The following RTRAF variants were observed in gnomAD, a reference collection of about 807,000 sequenced individuals.
The protein encoded by RTRAF is tRNA-splicing ligase complex subunit RTRAF.
RTRAF carries 14 observed loss-of-function variants against 34.4 expected under a neutral mutation model. The ratio of observed to expected loss-of-function variants is 0.41; its 90% CI spans 0.27 to 0.64. RTRAF has a LOEUF of 0.64. Ranked by LOEUF, RTRAF falls within the 30% of genes least tolerant of loss-of-function variation. The pLI, the probability that RTRAF is intolerant of heterozygous loss-of-function variation, is 0.34. For missense variants in RTRAF, 291 were observed against 288.4 expected, an observed-to-expected ratio of 1.01 and a Z score of -0.06; for synonymous variants, 96 against 95.3, an observed-to-expected ratio of 1.01 and a Z score of -0.04.
rs925169185 is a variant in RTRAF at position 52,007,450 on chromosome 14, AGCATTAT to A, written c.*2935_*2941del. The A allele has an allele frequency of 4.1e-6, 1 of 244,930 alleles. No individual in the cohort carries two copies. Among genetic ancestry groups the A allele is most frequent in the African/African-American group, 2.4e-5 (1 of 42,538 alleles). 15.2% of individuals were successfully genotyped at this position (244,930 alleles called of 1,614,324 possible). A position where few individuals can be genotyped will look rare whatever the true frequency, so the allele number is the denominator to read the frequency against. ...ACAATGCTTTCCAAAGAATGTCCTT[AGCATTAT>A]AACAGATGTTTATAGGTAAGTTATA... is the stretch of plus-strand genomic sequence containing the variant. On this transcript the variant is annotated 3_prime_UTR_variant, in exon 8 of 8. Transcript: ENST00000261700.
In RTRAF at chr14:52,004,430, A is replaced by G. The variant is rs756191573; in HGVS notation, c.649A>G (p.Thr217Ala). The G allele has an allele frequency of 6.2e-7, 1 of 1,613,904 alleles. No individual in the cohort carries two copies. The highest frequency in any genetic ancestry group is 1.3e-5 in the African/African-American group (1 of 74,934). Residue 217 changes from threonine (T) to alanine (A), a missense_variant, in exon 8 of 8, where the codon ACA becomes GCA. By Grantham distance (58) the Thr-to-Ala change is moderately conservative (BLOSUM62 0). Coordinates refer to ENST00000261700, the MANE Select transcript of RTRAF (RefSeq NM_016039.3). ...LHIEELRELQ[T>A]KINEAIVAVQ... ...CATAGAGGAGCTCAGAGAGCTACAG[A>G]CAAAAATCAACGAAGCCATAGTAGC... is the stretch of plus-strand genomic sequence containing the variant.
rs1195034994 is a variant in RTRAF, at chr14:52,006,465, T to C, written c.*1949T>C. 28 of 1,578,090 alleles carry C rather than the reference T, an allele frequency of 1.8e-5. No homozygotes were observed. Among genetic ancestry groups the C allele is most frequent in the Admixed American group, 1.2e-4 (7 of 56,484 alleles). On this transcript the variant is annotated 3_prime_UTR_variant, in exon 8 of 8. Transcript: ENST00000261700. ...AATGAGTCAAGTCAGGTACTGACTT[T>C]TGGTAAAACAAGTGGTGTGTCCTCT...
In RTRAF at chr14:52,007,610, T is replaced by C. The variant is rs1333497645; in HGVS notation, c.*3094T>C. The C allele has an allele frequency of 1.4e-5, 8 of 576,790 alleles. No homozygotes were observed. Among genetic ancestry groups the C allele is most frequent in the South Asian group, 1.1e-4 (5 of 47,232 alleles). 35.7% of individuals were successfully genotyped at this position (576,790 alleles called of 1,614,324 possible). Reference sequence around the variant, plus strand: ...CAAGCAGTACAAACTTACTGCTTGATATATCCTTCCCTCCACCCAAACCCC... The same window carrying C: ...CAAGCAGTACAAACTTACTGCTTGACATATCCTTCCCTCCACCCAAACCCC... On this transcript the variant is annotated 3_prime_UTR_variant, in exon 8 of 8. Coordinates refer to ENST00000261700, the MANE Select transcript of RTRAF (RefSeq NM_016039.3).
In RTRAF at chr14:52,004,475, G is replaced by C; in HGVS notation, c.694G>C (p.Asp232His). The change falls in exon 8 of 8, where the codon GAT becomes CAT. Residue 232 changes from aspartate (D) to histidine (H), a missense_variant. Transcript: ENST00000261700. ...AIVAVQAIIADPKTDHRLGKV... is the reference protein window; with the variant it reads ...AIVAVQAIIAHPKTDHRLGKV... ...AGTAGCTGTTCAGGCAATTATTGCT[G>C]ATCCAAAGACAGACCACAGACTGGG... The C allele has an allele frequency of 1.2e-6, 2 of 1,613,900 alleles. No individual in the cohort carries two copies. Among genetic ancestry groups the C allele is most frequent in the Non-Finnish European group, 1.7e-6 (2 of 1,179,894 alleles).
chr14:52,006,597 A>G lies in RTRAF; in HGVS notation c.*2081A>G. ...GCTTACGATGCTGAAGGGGTACTTG[A>G]GGTTGTTTTGAATGACACGCCGTCC... On this transcript the variant is annotated 3_prime_UTR_variant, in exon 8 of 8. Transcript: ENST00000261700. 1.9e-6 allele frequency: 3 copies of G among 1,613,816 alleles called. No homozygotes were observed. The highest frequency in any genetic ancestry group is 2.5e-6 in the Non-Finnish European group (3 of 1,179,800).
chr14:51,998,653 A>G, intron 4 of RTRAF, 73 bp downstream of exon 4: 1 of 959,276 alleles, frequency 1.0e-6, no homozygotes, highest in Non-Finnish European at 1.6e-6. Context: ...TTGAAGAATG[A>G]AGTCCAGGTT....
intron 3 of RTRAF, among the ~76,000 whole-genome samples, chr14:51,995,996 A>G (rs953881013): frequency 2.0e-5 from 3 of 152,116 alleles, no homozygotes; most frequent in African/African-American, 2.4e-5. Flanking sequence ...CCAAATTCTT[A>G]CATCTCAGTT....
intron 2 of RTRAF, among the ~76,000 whole-genome samples, chr14:51,993,454 AG>A (rs1890467041): frequency 6.6e-6 from 1 of 152,144 alleles, no homozygotes. Context: ...CCCAGGTGTA[AG>A]TTGTGTAACC....
In RTRAF at chr14:52,006,374, A is replaced by G. The variant is rs1220525282; in HGVS notation, c.*1858A>G. On this transcript the variant is annotated 3_prime_UTR_variant, in exon 8 of 8. Transcript: ENST00000261700. ...ATGATTTCAAAAACATGAAAGGATG[A>G]AAAACATCCTTGAAGGATCTTATCT... The G allele has an allele frequency of 1.8e-5, 13 of 729,682 alleles. No individual in the cohort carries two copies. The highest frequency in any genetic ancestry group is 2.7e-5 in the Non-Finnish European group (12 of 443,198). 45.2% of individuals were successfully genotyped at this position (729,682 alleles called of 1,614,324 possible).
intron 3 of RTRAF, chr14:51,998,276 A>T (rs558477289): frequency 4.9e-6 from 2 of 405,212 alleles, no homozygotes; most frequent in Non-Finnish European, 8.9e-6. Context: ...ATAAAAATGA[A>T]TTTTGTGTTT....
At chr14:51,991,198 A>G in intron 1 of RTRAF, 119 bp from the exon 2 acceptor site, 1 of 1,041,456 alleles carries the variant, frequency 9.6e-7, no homozygotes, top group Non-Finnish European at 1.4e-6. Flanking sequence ...TTTTGGTTCA[A>G]TTAATTTAGT....
rs202242119 is a variant in RTRAF, at chr14:52,005,812, A to G, written c.*1296A>G. 4 of 1,613,748 alleles carry G rather than the reference A, an allele frequency of 2.5e-6. No homozygotes were observed. The African/African-American group carries it at 5.3e-5, about 22-fold the overall frequency. ...TGTTCTGGGAGATACTCATCAGTAA[A>G]CTGGCCACTATGTTTATTTACTGAT... On this transcript the variant is annotated 3_prime_UTR_variant, in exon 8 of 8. Transcript: ENST00000261700.
Position 52,009,851 on chromosome 14 carries a change from G to C in RTRAF, c.*5335G>C, listed in dbSNP as rs1321551426. 6.6e-6 allele frequency: 1 copy of C among 152,502 alleles called. No homozygotes were observed. Among genetic ancestry groups the C allele is most frequent in the South Asian group, 2.1e-4 (1 of 4,834 alleles). 9.4% of individuals were successfully genotyped at this position (152,502 alleles called of 1,614,324 possible). On this transcript the variant is annotated 3_prime_UTR_variant, in exon 8 of 8. Coordinates refer to ENST00000261700, the MANE Select transcript of RTRAF (RefSeq NM_016039.3). ...AAAATACAAAAATTAGCTGGGCATG[G>C]TGGCACATGCCTGTAGTCCCAGCTA...
chr14:52,005,667 A>G lies in RTRAF; in HGVS notation c.*1151A>G. 1 of 1,403,798 alleles carries G rather than the reference A, an allele frequency of 7.1e-7. No individual in the cohort carries two copies. The highest frequency in any genetic ancestry group is 1.0e-6 in the Non-Finnish European group (1 of 989,630). The allele number at this position is 1,403,798 out of a possible 1,614,324, so 87.0% of individuals were successfully genotyped here. ...TGGCAGTGTCACAGGCAGCAGGGGT[A>G]ATCAAATACCATATATATCCCTTCT... is the stretch of plus-strand genomic sequence containing the variant. On this transcript the variant is annotated 3_prime_UTR_variant, in exon 8 of 8. Transcript: ENST00000261700.
chr14:52,003,916 G>A (rs1890656331), intron 6 of RTRAF: 1 of 411,344 alleles, frequency 2.4e-6, no homozygotes, highest in African/African-American at 2.0e-5. Context: ...GCTGCAATAA[G>A]GATATATTGT....
intron 5 of RTRAF, among the ~76,000 whole-genome samples, chr14:52,000,412 G>A (rs1890582183): frequency 6.6e-6 from 1 of 152,022 alleles, no homozygotes; most frequent in Non-Finnish European, 1.5e-5. Flanking sequence ...ATAAACTTCA[G>A]AAGATTTATT....
Position 52,006,670 on chromosome 14 carries a change from CAAAG to C in RTRAF, c.*2155_*2158del. ...TCCAGTTTTTTGGTTCCTTTTAAAA[CAAAG>C]GGGGAAAATGAGGTCCTTCAGCTGC... On this transcript the variant is annotated 3_prime_UTR_variant, in exon 8 of 8. Coordinates refer to ENST00000261700, the MANE Select transcript of RTRAF (RefSeq NM_016039.3). 1 of 1,612,874 alleles carries C rather than the reference CAAAG, an allele frequency of 6.2e-7. No individual in the cohort carries two copies. Among genetic ancestry groups the C allele is most frequent in the Non-Finnish European group, 8.5e-7 (1 of 1,179,200 alleles).
chr14:52,009,118 T>C lies in RTRAF; in HGVS notation c.*4602T>C, dbSNP rs771575693. ...TCAGTGAGAGGAGAGGAAGAAACCATAGGTTTCCCCTGTTGCGAATTTCAT... is the reference window on the plus strand; with the variant it reads ...TCAGTGAGAGGAGAGGAAGAAACCACAGGTTTCCCCTGTTGCGAATTTCAT... On this transcript the variant is annotated 3_prime_UTR_variant, in exon 8 of 8. Coordinates refer to ENST00000261700, the MANE Select transcript of RTRAF (RefSeq NM_016039.3). 3.3e-5 allele frequency: 5 copies of C among 152,160 alleles called. No individual in the cohort carries two copies. The highest frequency in any genetic ancestry group is 5.9e-5 in the Non-Finnish European group (4 of 68,018). 9.4% of individuals were successfully genotyped at this position (152,160 alleles called of 1,614,324 possible).
intron 6 of RTRAF, among the ~76,000 whole-genome samples, chr14:52,002,262 T>C (rs1050345131): frequency 3.3e-5 from 5 of 152,244 alleles, no homozygotes; most frequent in Non-Finnish European, 5.9e-5. Flanking sequence ...AATTCTATCC[T>C]TGCTCTTATT....
Sources: gnomAD v4.1 joint callset for allele counts (sites outside exome capture counted in the v4.1 genomes callset) on GRCh38, gnomAD v4.1.1 for gene constraint, MANE v1.5 for transcripts, NCBI Gene and HGNC (gene_info 2026-07-23, HGNC 2026-07-21) for gene names.